RAB43: variants seen among roughly 807,000 people sequenced by gnomAD.
The protein encoded by RAB43 is RAB43, member RAS oncogene family.
A neutral mutation model predicts 18.8 loss-of-function variants in RAB43; 6 were observed. The ratio of observed to expected loss-of-function variants is 0.32; its 90% CI spans 0.17 to 0.63. The LOEUF is 0.63. RAB43 is among the 30% of genes least tolerant of loss of function. The probability of loss-of-function intolerance (pLI) is 0.79; values close to 1 mark genes in which losing one functional copy is unlikely to be tolerated. For synonymous variants in RAB43, 103 were observed against 124.1 expected (o/e 0.83, Z 1.13); for missense variants, 195 against 289.1 (o/e 0.67, Z 2.36).
chr3:129,094,326 T>C (rs1933876338), intron 2 of RAB43, among the ~76,000 whole-genome samples: 1 of 152,100 alleles, frequency 6.6e-6, no homozygotes, highest in Non-Finnish European at 1.5e-5. Context: ...TACATGTGTA[T>C]GCTCACAGGC....
intron 1 of RAB43, among the ~76,000 whole-genome samples, chr3:129,106,719 C>T (rs1179832035): frequency 1.3e-5 from 2 of 152,138 alleles, no homozygotes; most frequent in African/African-American, 4.8e-5. Flanking sequence ...ACAAATTCTC[C>T]TCTGCAATAG....
chr3:129,108,738 G>A (rs1239335554), intron 1 of RAB43, among the ~76,000 whole-genome samples: 2 of 152,172 alleles, frequency 1.3e-5, no homozygotes, highest in African/African-American at 2.4e-5. Flanking sequence ...ATGGAAGGCC[G>A]TGGCTCTTAA....
chr3:129,121,698 GC>G lies in RAB43; in HGVS notation c.-210del, dbSNP rs1207015121. On this transcript the variant is annotated 5_prime_UTR_variant, in exon 1 of 3. Transcript: ENST00000315150. ...CTGGCTCCCGCCCCGGCCCGGCTCG[GC>G]CCCGCCCGGACCCGGTGCCCCGCGG... 3 of 335,834 alleles carry G rather than the reference GC, an allele frequency of 8.9e-6. No individual in the cohort carries two copies. Among genetic ancestry groups the G allele is most frequent in the Non-Finnish European group, 1.6e-5 (3 of 190,002 alleles). 20.8% of individuals were successfully genotyped at this position (335,834 alleles called of 1,614,324 possible).
chr3:129,103,708 G>A (rs945727242), intron 1 of RAB43, among the ~76,000 whole-genome samples: 1 of 152,122 alleles, frequency 6.6e-6, no homozygotes, highest in African/African-American at 2.4e-5. Flanking sequence ...GGGATTACAG[G>A]TGTGTGCCAC....
chr3:129,114,674 G>C (rs1004698176), intron 1 of RAB43, among the ~76,000 whole-genome samples: 1 of 152,142 alleles, frequency 6.6e-6, no homozygotes, highest in African/African-American at 2.4e-5. Flanking sequence ...GCCAGTGCAA[G>C]GTAAAGAAAC....
At chr3:129,104,655 C>T (rs1449781090) in intron 1 of RAB43, among the ~76,000 whole-genome samples, 2 of 152,238 alleles carry the variant, frequency 1.3e-5, no homozygotes, top group Non-Finnish European at 1.5e-5. Flanking sequence ...ACCTTGGTGA[C>T]AGAAGGGCTC....
At chr3:129,111,701 T>C (rs868155776) in intron 1 of RAB43, among the ~76,000 whole-genome samples, 18 of 152,202 alleles carry the variant, frequency 1.2e-4, no homozygotes, top group Non-Finnish European at 2.1e-4. Flanking sequence ...GGCCTTGAGA[T>C]TTCAATAATA....
intron 1 of RAB43, among the ~76,000 whole-genome samples, chr3:129,099,383 G>T (rs542510972): frequency 6.7e-6 from 1 of 148,450 alleles, no homozygotes; most frequent in South Asian, 2.1e-4. Flanking sequence ...GAGCCACCGC[G>T]CCTGGCCTTA....
intron 1 of RAB43, among the ~76,000 whole-genome samples, chr3:129,104,914 T>C (rs1189576976): frequency 6.6e-6 from 1 of 152,210 alleles, no homozygotes. Flanking sequence ...CCTGACACCA[T>C]GGGCCTGTGG....
At chr3:129,110,744 G>A (rs762841356) in intron 1 of RAB43, among the ~76,000 whole-genome samples, 18 of 151,972 alleles carry the variant, frequency 1.2e-4, no homozygotes, top group Non-Finnish European at 2.2e-4. Flanking sequence ...TTTCTTTTGC[G>A]GTGATGAAAA....
intron 1 of RAB43, among the ~76,000 whole-genome samples, chr3:129,100,935 T>C (rs1934374723): frequency 1.3e-5 from 2 of 152,178 alleles, no homozygotes; most frequent in Admixed American, 1.3e-4. Flanking sequence ...GCCTCCCGAG[T>C]AGCTGGGATT....
chr3:129,099,371 G>A (rs189361490), intron 1 of RAB43, among the ~76,000 whole-genome samples: 171 of 150,556 alleles, frequency 1.1e-3, no homozygotes, highest in African/African-American at 3.8e-3. Flanking sequence ...GATTACAGGC[G>A]TGAGCCACCG....
intron 1 of RAB43, among the ~76,000 whole-genome samples, chr3:129,106,242 AGT>A (rs1360817709): frequency 6.6e-6 from 1 of 152,236 alleles, no homozygotes; most frequent in East Asian, 1.9e-4. Flanking sequence ...CGAAGCAGGC[AGT>A]GGAAAGTTCC....
chr3:129,097,056 T>C (rs1355780012), intron 1 of RAB43, among the ~76,000 whole-genome samples: 1 of 151,782 alleles, frequency 6.6e-6, no homozygotes, highest in Non-Finnish European at 1.5e-5. Context: ...GAGGTTCCAG[T>C]GAGCCGAGAT....
chr3:129,099,001 A>G (rs547438240), intron 1 of RAB43, among the ~76,000 whole-genome samples: 1 of 152,104 alleles, frequency 6.6e-6, no homozygotes, highest in Non-Finnish European at 1.5e-5. Context: ...TGAACCTCAG[A>G]GGCAGAGGTT....
intron 1 of RAB43, among the ~76,000 whole-genome samples, chr3:129,099,389 C>CCTTAA (rs1934273026): frequency 6.8e-6 from 1 of 147,152 alleles, no homozygotes; most frequent in African/African-American, 2.5e-5. Context: ...CCGCGCCTGG[C>CCTTAA]CTTAATTTTT....
rs1473861445 is a variant in RAB43 at position 129,102,149 on chromosome 3, C to T, written c.205-6980G>A. Among the ~76,000 whole-genome samples the T allele has an allele frequency of 2.6e-5, 4 of 152,244 alleles. No homozygotes were observed. The East Asian group carries it at 5.8e-4, about 22-fold the overall frequency. On this transcript the variant is annotated intron_variant, in intron 1 of 2. Coordinates refer to ENST00000315150, the MANE Select transcript of RAB43 (RefSeq NM_198490.3). Reference sequence around the variant, plus strand: ...ACCACTGTGAGACACATTCCTCATGCACCTTGTAAAGTCCTCAGGGTCAAG... The same window carrying T: ...ACCACTGTGAGACACATTCCTCATGTACCTTGTAAAGTCCTCAGGGTCAAG...
At chr3:129,109,148 C>T (rs910254345) in intron 1 of RAB43, among the ~76,000 whole-genome samples, 82 of 152,052 alleles carry the variant, frequency 5.4e-4, no homozygotes, top group Non-Finnish European at 1.1e-3. Context: ...CGGTGGCTCA[C>T]ACCTGTAATC....
rs144206027 is a variant in RAB43 at position 129,093,328 on chromosome 3, G to A, written c.388+1658C>T. ...AAATGTCCTGGATAAATGGGAATTG[G>A]TGGCTGGGTGTGGTGGCTCACACCT... On this transcript the variant is annotated intron_variant, in intron 2 of 2. Coordinates refer to ENST00000315150, the MANE Select transcript of RAB43 (RefSeq NM_198490.3). 6.2e-3 allele frequency among the ~76,000 whole-genome samples: 945 copies of A among 152,168 alleles called. 8 individuals are homozygous for A. The highest frequency in any genetic ancestry group is 0.021 in the African/African-American group (890 of 41,542).
Sources: allele counts gnomAD v4.1 joint callset (sites outside exome capture counted in the v4.1 genomes callset), GRCh38; gene constraint gnomAD v4.1.1; transcripts MANE v1.5; gene names NCBI Gene and HGNC (gene_info 2026-07-23, HGNC 2026-07-21).